The following EXOC6B variants were observed in gnomAD, a reference collection of about 807,000 sequenced individuals.
EXOC6B encodes SEC15 homolog B.
In EXOC6B, 54 loss-of-function variants were observed where a neutral mutation model predicts 113.5. That is an observed-to-expected ratio of 0.48 (90% CI 0.38 to 0.60). EXOC6B has a LOEUF of 0.60. Ranked by LOEUF, EXOC6B falls within the 20% of genes least tolerant of loss-of-function variation. EXOC6B has a pLI of 0.00. For synonymous variants in EXOC6B, 357 were observed against 339.0 expected (o/e 1.05, Z -0.58); for missense variants, 797 against 977.5 (o/e 0.82, Z 2.46).
intron 17 of EXOC6B, among the ~76,000 whole-genome samples, chr2:72,468,598 C>T (rs1698208238): frequency 6.6e-6 from 1 of 152,108 alleles, no homozygotes; most frequent in Admixed American, 6.6e-5. Context: ...TTTGTTCTTT[C>T]TGCTCAAGAT....
Position 72,825,805 on chromosome 2 carries a change from T to G in EXOC6B, c.106A>C (p.Thr36Pro). Residue 36 changes from threonine (T) to proline (P), a missense_variant, in exon 1 of 22, where the codon ACG (threonine) becomes CCG (proline). Thr to Pro is a conservative substitution (Grantham distance 38). Transcript: ENST00000272427. This position sits in a 1 kb window ranked among gnomAD's most constrained non-coding sequence, Gnocchi z 4.4. ...TCCCGGCACCCGGGGTACCTGAGCG[T>G]GGGCCCGATGCAGGCCGTGTCAGTG... ...ESTDTACIGPTLRSVYDGEEH... is the reference protein window; with the variant it reads ...ESTDTACIGPPLRSVYDGEEH... The G allele has an allele frequency of 6.2e-7, 1 of 1,608,116 alleles. No individual in the cohort carries two copies. The highest frequency in any genetic ancestry group is 2.3e-5 in the East Asian group (1 of 44,440).
At chr2:72,321,601 T>G (rs1030892725) in intron 20 of EXOC6B, among the ~76,000 whole-genome samples, 33 of 150,568 alleles carry the variant, frequency 2.2e-4, no homozygotes, top group African/African-American at 7.1e-4. Context: ...AAAAGCACCA[T>G]GCTAAGTGAA....
Position 72,505,897 on chromosome 2 carries a change from T to C in EXOC6B, c.1168-5925A>G, listed in dbSNP as rs1055103542. Among the ~76,000 whole-genome samples the C allele has an allele frequency of 4.6e-5, 7 of 152,290 alleles. No homozygotes were observed. The East Asian group carries it at 1.3e-3, about 29-fold the overall frequency. ...TTCTGTATCTACTGAAATGACTATATATTTTTTGTTTTTTAACCTGCAATT... is the reference window on the plus strand; with the variant it reads ...TTCTGTATCTACTGAAATGACTATACATTTTTTGTTTTTTAACCTGCAATT... On this transcript the variant is annotated intron_variant, in intron 11 of 21. Transcript: ENST00000272427.
At chr2:72,567,456 G>C (rs1704251009) in intron 7 of EXOC6B, among the ~76,000 whole-genome samples, 1 of 151,932 alleles carries the variant, frequency 6.6e-6, no homozygotes, top group African/African-American at 2.4e-5. Flanking sequence ...TGACAGAAAA[G>C]ACTTACTACA....
intron 1 of EXOC6B, among the ~76,000 whole-genome samples, chr2:72,749,013 A>C (rs1216260489): frequency 6.6e-6 from 1 of 152,114 alleles, no homozygotes; most frequent in African/African-American, 2.4e-5. Flanking sequence ...TGAAGATATA[A>C]AGGCAAAACA....
intron 11 of EXOC6B, among the ~76,000 whole-genome samples, chr2:72,500,727 G>T (rs1159074508): frequency 6.6e-6 from 1 of 152,050 alleles, no homozygotes; most frequent in Non-Finnish European, 1.5e-5. Context: ...CTGTGGGCAG[G>T]ATACAAAGAT....
intron 18 of EXOC6B, among the ~76,000 whole-genome samples, chr2:72,433,234 T>C (rs1190981882): frequency 6.8e-6 from 1 of 147,568 alleles, no homozygotes; most frequent in East Asian, 1.9e-4. Context: ...TGTGGTGTTA[T>C]TTCTGAGGCC....
At chr2:72,370,092 C>T (rs911271734) in intron 19 of EXOC6B, among the ~76,000 whole-genome samples, 3 of 151,978 alleles carry the variant, frequency 2.0e-5, no homozygotes, top group African/African-American at 7.3e-5. Context: ...GAATGGGAAA[C>T]AATTTTTGTA....
rs186151135 is a variant in EXOC6B at position 72,432,224 on chromosome 2, C to T, written c.1980+32936G>A. On this transcript the variant is annotated intron_variant, in intron 18 of 21. Coordinates refer to ENST00000272427, the MANE Select transcript of EXOC6B (RefSeq NM_015189.3). ...GCTAATTTTTTGTATTTAGTAGAGACGCAGTTTCACCATGTTGGTCAAGCT... is the reference window on the plus strand; with the variant it reads ...GCTAATTTTTTGTATTTAGTAGAGATGCAGTTTCACCATGTTGGTCAAGCT... 8.0e-3 allele frequency among the ~76,000 whole-genome samples: 1,212 copies of T among 151,990 alleles called. 6 individuals carry two copies. The highest frequency in any genetic ancestry group is 9.5e-3 in the Non-Finnish European group (644 of 67,950).
At chr2:72,333,724 C>T (rs1688532780) in intron 20 of EXOC6B, among the ~76,000 whole-genome samples, 1 of 152,056 alleles carries the variant, frequency 6.6e-6, no homozygotes, top group African/African-American at 2.4e-5. Context: ...TAAGTTGACA[C>T]ACGTTTCTGG....
intron 20 of EXOC6B, among the ~76,000 whole-genome samples, chr2:72,278,280 C>A (rs1457131998): frequency 6.6e-6 from 1 of 152,168 alleles, no homozygotes; most frequent in Non-Finnish European, 1.5e-5. Flanking sequence ...CAGAAACACT[C>A]CATTTGACCT....
intron 6 of EXOC6B, among the ~76,000 whole-genome samples, chr2:72,603,212 T>C (rs1251328414): frequency 1.3e-5 from 2 of 151,814 alleles, no homozygotes; most frequent in East Asian, 3.9e-4. Flanking sequence ...AGCCTTTTCA[T>C]GGAAATCATT....
intron 18 of EXOC6B, among the ~76,000 whole-genome samples, chr2:72,401,771 A>C (rs911146702): frequency 7.0e-6 from 1 of 143,374 alleles, no homozygotes; most frequent in African/African-American, 2.5e-5. Flanking sequence ...AGAAACAGAA[A>C]GTTTCTGTTA....
chr2:72,665,156 A>C (rs1243395437), intron 6 of EXOC6B, among the ~76,000 whole-genome samples: 2 of 152,210 alleles, frequency 1.3e-5, no homozygotes, highest in Non-Finnish European at 2.9e-5. Flanking sequence ...ACCATGGCCC[A>C]GAACACCCAA....
chr2:72,315,345 G>A (rs1247580875), intron 20 of EXOC6B, among the ~76,000 whole-genome samples: 1 of 152,046 alleles, frequency 6.6e-6, no homozygotes, highest in Non-Finnish European at 1.5e-5. Flanking sequence ...GTGTATGTGT[G>A]TGTGTGTGTG....
intron 8 of EXOC6B, among the ~76,000 whole-genome samples, chr2:72,521,582 G>C (rs1701490208): frequency 6.6e-6 from 1 of 152,170 alleles, no homozygotes; most frequent in Admixed American, 6.5e-5. Context: ...CTTAAATTCA[G>C]ACAAAATGTT....
chr2:72,390,331 G>A (rs1274627304), intron 18 of EXOC6B, among the ~76,000 whole-genome samples: 1 of 152,116 alleles, frequency 6.6e-6, no homozygotes, highest in East Asian at 1.9e-4. Flanking sequence ...TATTGAGCAT[G>A]TGTGTATGAG....
chr2:72,226,705 G>C (rs1259298454), intron 20 of EXOC6B, among the ~76,000 whole-genome samples: 1 of 152,144 alleles, frequency 6.6e-6, no homozygotes, highest in African/African-American at 2.4e-5. Context: ...CTTTGACTAG[G>C]TCATAATGTC....
At chr2:72,622,077 A>G (rs1671781757) in intron 6 of EXOC6B, among the ~76,000 whole-genome samples, 2 of 152,090 alleles carry the variant, frequency 1.3e-5, no homozygotes, top group South Asian at 4.1e-4. Context: ...ATATTGGTAT[A>G]GAAAAAAGTT....
Sources: allele counts gnomAD v4.1 joint callset (sites outside exome capture counted in the v4.1 genomes callset), GRCh38; gene constraint gnomAD v4.1.1; non-coding constraint Gnocchi (gnomAD v3.1); transcripts MANE v1.5; gene names NCBI Gene and HGNC (gene_info 2026-07-23, HGNC 2026-07-21).